PLXNA4: variants seen among roughly 807,000 people sequenced by gnomAD.
PLXNA4 encodes plexin A4.
PLXNA4 carries 44 observed loss-of-function variants against 191.8 expected under a neutral mutation model. That is an observed-to-expected ratio of 0.23 (90% CI 0.18 to 0.29). The LOEUF is 0.29. PLXNA4 is among the 10% of genes least tolerant of loss of function. PLXNA4 has a pLI of 1.00. For synonymous variants in PLXNA4, 1,082 were observed against 1,009.5 expected, an observed-to-expected ratio of 1.07 and a Z score of -1.36; for missense variants, 1,800 against 2,488.8, an observed-to-expected ratio of 0.72 and a Z score of 5.89.
chr7:132,328,450 C>T (rs933517293), intron 3 of PLXNA4, among the ~76,000 whole-genome samples: 3 of 152,164 alleles, frequency 2.0e-5, no homozygotes, highest in African/African-American at 7.2e-5. Flanking sequence ...TGCAAGATGC[C>T]TGGGGCTAAT....
intron 1 of PLXNA4, among the ~76,000 whole-genome samples, chr7:132,563,143 T>TC (rs1801398422): frequency 1.2e-5 from 1 of 86,044 alleles, no homozygotes; most frequent in Non-Finnish European, 2.4e-5. Flanking sequence ...CTCCTTCTCC[T>TC]CTTCCTCCTT....
intron 3 of PLXNA4, among the ~76,000 whole-genome samples, chr7:132,460,828 G>T (rs1012108631): frequency 6.6e-6 from 1 of 152,048 alleles, no homozygotes; most frequent in East Asian, 1.9e-4. Flanking sequence ...AAACGTTTCA[G>T]AATGGTGTTC....
intron 3 of PLXNA4, among the ~76,000 whole-genome samples, chr7:132,446,411 A>C (rs991485744): frequency 6.6e-6 from 1 of 152,182 alleles, no homozygotes; most frequent in African/African-American, 2.4e-5. Context: ...TCACTGCTAA[A>C]AGAGGAATTG....
At chr7:132,368,078 C>A (rs915882132) in intron 3 of PLXNA4, 2 of 152,206 alleles carry the variant, frequency 1.3e-5, no homozygotes, top group African/African-American at 4.8e-5. Flanking sequence ...AAAATACCCA[C>A]GCACCATGGG....
At chr7:132,237,560 C>G (rs1798743675) in intron 5 of PLXNA4, among the ~76,000 whole-genome samples, 2 of 152,120 alleles carry the variant, frequency 1.3e-5, no homozygotes, top group Non-Finnish European at 2.9e-5. Flanking sequence ...GAGCTTTGTC[C>G]TGGAAGAGTT....
chr7:132,237,730 T>G (rs969697077), intron 5 of PLXNA4, among the ~76,000 whole-genome samples: 5 of 152,238 alleles, frequency 3.3e-5, no homozygotes, highest in African/African-American at 1.2e-4. Context: ...CTTTTTATCC[T>G]CGTGCCATCA....
At chr7:132,161,624 G>C (rs1795951380) in intron 24 of PLXNA4, among the ~76,000 whole-genome samples, 1 of 152,158 alleles carries the variant, frequency 6.6e-6, no homozygotes, top group Non-Finnish European at 1.5e-5. Flanking sequence ...TCCCCGGTGG[G>C]CATCTAGCGC....
At chr7:132,526,849 A>C (rs914150232) in intron 1 of PLXNA4, among the ~76,000 whole-genome samples, 1 of 152,124 alleles carries the variant, frequency 6.6e-6, no homozygotes, top group African/African-American at 2.4e-5. Context: ...TCATGCCTAA[A>C]CTTTAAGGGG....
intron 3 of PLXNA4, among the ~76,000 whole-genome samples, chr7:132,373,302 C>T (rs1804519692): frequency 6.6e-6 from 1 of 152,138 alleles, no homozygotes. Context: ...AGGACTCAGT[C>T]TTGCAATGTT....
At chr7:132,358,411 G>A (rs1006611444) in intron 3 of PLXNA4, among the ~76,000 whole-genome samples, 1 of 152,156 alleles carries the variant, frequency 6.6e-6, no homozygotes, top group Admixed American at 6.5e-5. Context: ...AAAAGATATT[G>A]CCTGCCAGTG....
At chr7:132,160,418 AT>A (rs893947470) in intron 24 of PLXNA4, among the ~76,000 whole-genome samples, 2 of 151,990 alleles carry the variant, frequency 1.3e-5, no homozygotes, top group Middle Eastern at 3.4e-3. Context: ...TTATCTTTTT[AT>A]TTTTTTTCCT....
At chr7:132,259,949 T>G (rs1452197835) in intron 4 of PLXNA4, among the ~76,000 whole-genome samples, 1 of 152,174 alleles carries the variant, frequency 6.6e-6, no homozygotes, top group African/African-American at 2.4e-5. Flanking sequence ...GAAAGACCTG[T>G]GGTTCAATGA....
At chr7:132,382,563 G>C (rs1205828249) in intron 3 of PLXNA4, among the ~76,000 whole-genome samples, 1 of 152,130 alleles carries the variant, frequency 6.6e-6, no homozygotes, top group African/African-American at 2.4e-5. Flanking sequence ...TTAGTGAAAG[G>C]ATCAAGATTT....
chr7:132,576,591 C>T (rs928483463), upstream of PLXNA4: 5 of 985,958 alleles, frequency 5.1e-6, no homozygotes, highest in Non-Finnish European at 6.0e-6. This position sits in a 1 kb window ranked among gnomAD's most constrained non-coding sequence, Gnocchi z 5.8. Flanking sequence ...ACAGGGAAGC[C>T]GGGAGCAGCC....
At chr7:132,366,414 C>T (rs1804188157) in intron 3 of PLXNA4, among the ~76,000 whole-genome samples, 1 of 152,046 alleles carries the variant, frequency 6.6e-6, no homozygotes, top group African/African-American at 2.4e-5. Context: ...ACCCCAGCTA[C>T]TCAGGAGGCT....
chr7:132,523,284 C>A (rs913000833), intron 1 of PLXNA4, among the ~76,000 whole-genome samples: 14 of 152,218 alleles, frequency 9.2e-5, no homozygotes, highest in African/African-American at 3.1e-4. Flanking sequence ...CTGTTGCAAG[C>A]GTGACCTCAG....
intron 3 of PLXNA4, among the ~76,000 whole-genome samples, chr7:132,333,754 G>T (rs185794360): frequency 6.6e-6 from 1 of 152,110 alleles, no homozygotes; most frequent in Non-Finnish European, 1.5e-5. Context: ...AATCAGCTCC[G>T]GGCCCCACTT....
chr7:132,325,861 G>A (rs914011495), intron 3 of PLXNA4, among the ~76,000 whole-genome samples: 1 of 152,176 alleles, frequency 6.6e-6, no homozygotes, highest in Admixed American at 6.5e-5. Context: ...TAAAGGCAAG[G>A]GTGGGCATGG....
At chr7:132,527,827 G>A (rs1361453875) in intron 1 of PLXNA4, among the ~76,000 whole-genome samples, 2 of 152,276 alleles carry the variant, frequency 1.3e-5, no homozygotes, top group Non-Finnish European at 2.9e-5. Context: ...AATCTGAAGA[G>A]CATCTTCCAA....
Sources: allele counts gnomAD v4.1 joint callset (sites outside exome capture counted in the v4.1 genomes callset), GRCh38; gene constraint gnomAD v4.1.1; non-coding constraint Gnocchi (gnomAD v3.1); transcripts MANE v1.5; gene names NCBI Gene and HGNC (gene_info 2026-07-23, HGNC 2026-07-21).